EPCAM: variants seen among roughly 807,000 people sequenced by gnomAD.
EPCAM encodes adenocarcinoma-associated antigen.
In EPCAM, 39 loss-of-function variants were observed where a neutral mutation model predicts 40.0. The observed-to-expected ratio is 0.98, with a 90% CI of 0.76 to 1.27. The LOEUF (loss-of-function observed/expected upper bound fraction) is 1.27, where lower values mean the gene tolerates loss of function less well. Among genes scored for constraint, EPCAM ranks in the 50% most tolerant of loss-of-function variants. The pLI, the probability that EPCAM is intolerant of heterozygous loss-of-function variation, is 0.00. For missense variants in EPCAM, 503 were observed against 381.2 expected (o/e 1.32, Z -2.66); for synonymous variants, 168 against 132.3 (o/e 1.27, Z -1.85).
rs140911872 is a variant in EPCAM, at chr2:47,378,104, A to G, written c.556-849A>G. Among the ~76,000 whole-genome samples, 1,470 of 151,912 alleles carry G rather than the reference A, an allele frequency of 9.7e-3. 29 individuals are homozygous for G. Among genetic ancestry groups the G allele is most frequent in the African/African-American group, 0.032 (1,319 of 41,468 alleles). On this transcript the variant is annotated intron_variant, in intron 5 of 8. Transcript: ENST00000263735. ...AAAATAGCCGAATGTGGTGGTGGGC[A>G]CCTGTAGTCCCAGCTACTCGGGAGG...
At chr2:47,375,747 C>A (rs1671406511) in intron 4 of EPCAM, among the ~76,000 whole-genome samples, 1 of 151,358 alleles carries the variant, frequency 6.6e-6, no homozygotes, top group South Asian at 2.1e-4. Context: ...GCTCTGTCAC[C>A]CAGGCTGGCG....
Position 47,385,185 on chromosome 2 carries a change from G to C in EPCAM, c.878G>C (p.Arg293Thr), listed in dbSNP as rs786204192. 1.2e-6 allele frequency: 2 copies of C among 1,613,012 alleles called. No homozygotes were observed. The highest frequency in any genetic ancestry group is 8.5e-7 in the Non-Finnish European group (1 of 1,179,296). The part of the protein sequence containing the change: ...IVVLVISRKK[R>T]MAKYEKAEIK... ...ACTCAGGTTATTTCCAGAAAGAAGA[G>C]AATGGCAAAGTATGAGAAGGCTGAG... is the stretch of plus-strand genomic sequence containing the variant. Residue 293 changes from arginine to threonine, a missense_variant, in exon 8 of 9, where the codon AGA (arginine) becomes ACA (threonine). Coordinates refer to ENST00000263735, the MANE Select transcript of EPCAM (RefSeq NM_002354.3).
At chr2:47,386,537 T>G (rs761455770) in intron 8 of EPCAM, 35 bp from the exon 9 acceptor site, 2 of 1,544,552 alleles carry the variant, frequency 1.3e-6, no homozygotes, top group South Asian at 2.4e-5. Flanking sequence ...TGAAAAATTA[T>G]TTAGAATTTT....
chr2:47,379,511 G>T (rs576190438), intron 6 of EPCAM, among the ~76,000 whole-genome samples: 50 of 152,286 alleles, frequency 3.3e-4, no homozygotes, highest in African/African-American at 1.2e-3. Context: ...GATGAAGTAA[G>T]AGAGGCTATG....
rs748677907 is a variant in EPCAM, at chr2:47,386,616, A to G, written c.*3A>G. On this transcript the variant is annotated 3_prime_UTR_variant, in exon 9 of 9. Transcript: ENST00000263735. ...TGCATAGGGAACTCAATGCATAACTATATAATTTGAAGATTATAGAAGAAG... is the reference window on the plus strand; with the variant it reads ...TGCATAGGGAACTCAATGCATAACTGTATAATTTGAAGATTATAGAAGAAG... 56 of 1,598,774 alleles carry G rather than the reference A, an allele frequency of 3.5e-5. No homozygotes were observed. Among genetic ancestry groups the G allele is most frequent in the Middle Eastern group, 1.7e-4 (1 of 5,978 alleles).
chr2:47,376,948 G>C (rs1053865733), intron 4 of EPCAM, 66 bp from the exon 5 acceptor site: 81 of 1,059,232 alleles, frequency 7.6e-5, no homozygotes, highest in Non-Finnish European at 1.2e-4. Context: ...TGCTTAAAGA[G>C]TAGTGCTTCT....
chr2:47,373,546 C>G lies in EPCAM; in HGVS notation c.160C>G (p.Gln54Glu). 1 of 1,612,550 alleles carries G rather than the reference C, an allele frequency of 6.2e-7. No homozygotes were observed. Among genetic ancestry groups the G allele is most frequent in the Non-Finnish European group, 8.5e-7 (1 of 1,178,778 alleles). Residue 54 changes from glutamine to glutamate, a missense_variant, in exon 2 of 9, where the codon CAA (glutamine) becomes GAA (glutamate). By Grantham distance (29) the Gln-to-Glu change is conservative. Coordinates refer to ENST00000263735, the MANE Select transcript of EPCAM (RefSeq NM_002354.3). ...ATGCCAGTGTACTTCAGTTGGTGCA[C>G]AAAATACTGTCATTTGCTCAAAGCG... ...RQCQCTSVGA[Q>E]NTVICSKLAA...
chr2:47,371,128 C>T (rs1671252164), intron 1 of EPCAM, among the ~76,000 whole-genome samples: 1 of 150,510 alleles, frequency 6.6e-6, no homozygotes, highest in African/African-American at 2.4e-5. Flanking sequence ...TACAGGCGTG[C>T]ATCACCACAC....
chr2:47,386,258 G>C (rs772972929), intron 8 of EPCAM, among the ~76,000 whole-genome samples: 5 of 152,108 alleles, frequency 3.3e-5, no homozygotes, highest in Admixed American at 6.6e-5. Flanking sequence ...ATTGATAATA[G>C]AAAGTAAATC....
intron 7 of EPCAM, 32 bp from the exon 8 acceptor site, chr2:47,385,134 C>T (rs748657383): frequency 1.9e-6 from 3 of 1,567,812 alleles, no homozygotes; most frequent in Middle Eastern, 1.7e-4. Flanking sequence ...GAATAGCAGT[C>T]CTAAAACAAT....
chr2:47,370,857 A>G (rs1052145586), intron 1 of EPCAM, among the ~76,000 whole-genome samples: 18 of 152,064 alleles, frequency 1.2e-4, no homozygotes, highest in Non-Finnish European at 2.2e-4. Flanking sequence ...CTGGGACTAC[A>G]GGCATGCACC....
At chr2:47,370,320 G>A (rs1671218995) in intron 1 of EPCAM, among the ~76,000 whole-genome samples, 1 of 152,142 alleles carries the variant, frequency 6.6e-6, no homozygotes, top group East Asian at 1.9e-4. Context: ...CGCCCAAGCT[G>A]GAGTGCAATG....
intron 4 of EPCAM, among the ~76,000 whole-genome samples, chr2:47,375,622 C>A (rs1356127699): frequency 6.6e-6 from 1 of 152,096 alleles, no homozygotes; most frequent in Non-Finnish European, 1.5e-5. Flanking sequence ...GCCCCTTTAC[C>A]CCTAAGTACT....
At chr2:47,383,307 A>G (rs202066113) in intron 7 of EPCAM, 2 of 52,506 alleles carry the variant, frequency 3.8e-5, no homozygotes, top group African/African-American at 3.5e-4. Flanking sequence ...CTCCATCTGA[A>G]AAAAAAAAAA....
chr2:47,375,707 ATTT>A (rs35742854), intron 4 of EPCAM, among the ~76,000 whole-genome samples: 1 of 143,516 alleles, frequency 7.0e-6, no homozygotes, highest in Non-Finnish European at 1.5e-5. Flanking sequence ...TTTAGGAAAA[ATTT>A]TTTTTTTTTT....
rs2103746964 is a variant in EPCAM, at chr2:47,373,818, A to G, written c.195A>G (p.Lys65=). 1.2e-6 allele frequency: 2 copies of G among 1,614,064 alleles called. No individual in the cohort carries two copies. Among genetic ancestry groups the G allele is most frequent in the Non-Finnish European group, 1.7e-6 (2 of 1,180,024 alleles). ...AGGTTTCTTTTTCAGTGGCTGCCAA[A>G]TGTTTGGTGATGAAGGCAGAAATGA... ...NTVICSKLAA[K]CLVMKAEMNG... The change falls in exon 3 of 9, where the codon AAA becomes AAG. Residue 65 remains lysine, a synonymous_variant. Transcript: ENST00000263735.
In EPCAM at chr2:47,369,520, G is replaced by C. The variant is rs1671159747; in HGVS notation, c.15G>C (p.Gln5His). 2 of 1,568,306 alleles carry C rather than the reference G, an allele frequency of 1.3e-6. No individual in the cohort carries two copies. The highest frequency in any genetic ancestry group is 1.7e-6 in the Non-Finnish European group (2 of 1,163,102). Residue 5 changes from glutamine (Q) to histidine (H), a missense_variant, in exon 1 of 9, where the codon CAG becomes CAC. Transcript: ENST00000263735. ...GCGCGCGCAGCATGGCGCCCCCGCA[G>C]GTCCTCGCGTTCGGGCTTCTGCTTG... Reference protein sequence around the residue: MAPPQVLAFGLLLAA... With the variant: MAPPHVLAFGLLLAA...
chr2:47,385,298 G>A (rs1169766728), intron 8 of EPCAM, 88 bp downstream of exon 8: 3 of 1,068,736 alleles, frequency 2.8e-6, no homozygotes, highest in Admixed American at 3.4e-5. Context: ...ATGCATTTCA[G>A]TTATACTGGA....
intron 4 of EPCAM, among the ~76,000 whole-genome samples, chr2:47,376,377 C>T (rs1671428256): frequency 6.6e-6 from 1 of 151,934 alleles, no homozygotes; most frequent in African/African-American, 2.4e-5. Context: ...CTGCCTCAGC[C>T]TCCTGAGTAG....
Sources: allele counts gnomAD v4.1 joint callset (sites outside exome capture counted in the v4.1 genomes callset), GRCh38; gene constraint gnomAD v4.1.1; transcripts MANE v1.5; gene names NCBI Gene and HGNC (gene_info 2026-07-23, HGNC 2026-07-21).